The following TSPAN18 variants were observed in gnomAD, a reference collection of about 807,000 sequenced individuals.
The protein encoded by TSPAN18 is tetraspanin-18.
A neutral mutation model predicts 27.3 loss-of-function variants in TSPAN18; 14 were observed. The ratio of observed to expected loss-of-function variants is 0.51; its 90% CI spans 0.34 to 0.80. The LOEUF (loss-of-function observed/expected upper bound fraction) is 0.80. Ranked by LOEUF, TSPAN18 falls within the 30% of genes least tolerant of loss-of-function variation. The probability of loss-of-function intolerance (pLI) is 0.01; values close to 1 mark genes in which losing one functional copy is unlikely to be tolerated. For synonymous variants in TSPAN18, 143 were observed against 136.5 expected (o/e 1.05, Z -0.33); for missense variants, 268 against 323.9 (o/e 0.83, Z 1.32).
At chr11:44,880,734 C>A (rs1288624694) in intron 3 of TSPAN18, among the ~76,000 whole-genome samples, 1 of 152,240 alleles carries the variant, frequency 6.6e-6, no homozygotes, top group African/African-American at 2.4e-5. Context: ...GACTCAAGGA[C>A]CTCTGTATAA....
intron 5 of TSPAN18, among the ~76,000 whole-genome samples, chr11:44,917,029 C>T (rs543266053): frequency 7.2e-5 from 11 of 152,328 alleles, no homozygotes; most frequent in South Asian, 2.1e-4. Flanking sequence ...TGCTCCACCC[C>T]GGCTCATTCA....
chr11:44,902,224 T>C (rs912494456), intron 3 of TSPAN18, among the ~76,000 whole-genome samples: 1 of 152,222 alleles, frequency 6.6e-6, no homozygotes, highest in Non-Finnish European at 1.5e-5. Flanking sequence ...GGGAGCCCTT[T>C]ACACTGGATG....
intron 2 of TSPAN18, among the ~76,000 whole-genome samples, chr11:44,807,134 G>T (rs994864480): frequency 4.9e-5 from 7 of 142,266 alleles, no homozygotes; most frequent in Non-Finnish European, 1.1e-4. Flanking sequence ...AAAGTGGGAG[G>T]ATCACTTGAG....
chr11:44,834,379 C>T (rs1235346333), intron 2 of TSPAN18, among the ~76,000 whole-genome samples: 1 of 152,140 alleles, frequency 6.6e-6, no homozygotes. Context: ...CGGGTTCTTT[C>T]TAGGGAGGAA....
chr11:44,777,341 GGC>G (rs1392397578), intron 2 of TSPAN18, among the ~76,000 whole-genome samples: 1 of 152,170 alleles, frequency 6.6e-6, no homozygotes, highest in African/African-American at 2.4e-5. Context: ...GCCAAGGTGA[GGC>G]CACCTCATCT....
chr11:44,801,245 T>C (rs1025591251), intron 2 of TSPAN18, among the ~76,000 whole-genome samples: 2 of 152,184 alleles, frequency 1.3e-5, no homozygotes, highest in Non-Finnish European at 2.9e-5. Flanking sequence ...AAGTTAGAGT[T>C]CACGTGATAA....
intron 1 of TSPAN18, among the ~76,000 whole-genome samples, chr11:44,756,305 AGGAGGGAG>A (rs536867056): frequency 1.7e-5 from 2 of 119,766 alleles, no homozygotes; most frequent in African/African-American, 6.3e-5. Flanking sequence ...GAGAACAAAA[AGGAGGGAG>A]GGAGGGAGGG....
intron 2 of TSPAN18, among the ~76,000 whole-genome samples, chr11:44,831,386 A>G (rs1857150678): frequency 6.6e-6 from 1 of 152,160 alleles, no homozygotes; most frequent in Non-Finnish European, 1.5e-5. Flanking sequence ...AGATGTCAAG[A>G]TGTTGCAGTG....
chr11:44,841,516 A>G (rs75802191), intron 2 of TSPAN18, among the ~76,000 whole-genome samples: 610 of 20,084 alleles, frequency 0.03, 3 homozygotes, highest in African/African-American at 0.042. Flanking sequence ...ATTCCATCTA[A>G]AAAAAAAAAA....
At chr11:44,782,686 T>C (rs1855967062) in intron 2 of TSPAN18, among the ~76,000 whole-genome samples, 1 of 152,222 alleles carries the variant, frequency 6.6e-6, no homozygotes, top group African/African-American at 2.4e-5. Flanking sequence ...ATGGTCAGCT[T>C]TTGAGTTTTA....
At chr11:44,811,504 G>A (rs953286283) in intron 2 of TSPAN18, among the ~76,000 whole-genome samples, 4 of 151,252 alleles carry the variant, frequency 2.6e-5, no homozygotes, top group African/African-American at 9.8e-5. Context: ...TTGTTGCCCA[G>A]GCTGGAGTGC....
intron 3 of TSPAN18, chr11:44,901,133 T>G (rs1859249440): frequency 1.3e-5 from 2 of 152,156 alleles, no homozygotes; most frequent in African/African-American, 4.8e-5. Context: ...TTTTTACTCA[T>G]CCACCCTGCT....
At chr11:44,929,071 G>C in intron 9 of TSPAN18, 60 bp from the exon 10 acceptor site, 2 of 1,600,804 alleles carry the variant, frequency 1.2e-6, no homozygotes, top group East Asian at 2.2e-5. Context: ...GAGTGGGCCA[G>C]GCAGCCCACA....
At chr11:44,736,236 G>T (rs750325842) in intron 1 of TSPAN18, 3 of 152,142 alleles carry the variant, frequency 2.0e-5, no homozygotes, top group Non-Finnish European at 4.4e-5. Flanking sequence ...CACTCTGTCC[G>T]CAGCTAAGTG....
chr11:44,798,423 A>G (rs1057160889), intron 2 of TSPAN18, among the ~76,000 whole-genome samples: 1 of 152,216 alleles, frequency 6.6e-6, no homozygotes. Flanking sequence ...AAGGTCACAC[A>G]GCTGGAAAGT....
intron 1 of TSPAN18, among the ~76,000 whole-genome samples, chr11:44,727,511 G>C (rs1161645814): frequency 6.6e-6 from 1 of 152,200 alleles, no homozygotes; most frequent in Admixed American, 6.5e-5. Flanking sequence ...CCCGGAGTCC[G>C]CTGAGGGCCG....
chr11:44,890,458 T>C lies in TSPAN18; in HGVS notation c.-10-15949T>C, dbSNP rs553664449. On this transcript the variant is annotated intron_variant, in intron 3 of 9. Coordinates refer to ENST00000520358, the MANE Select transcript of TSPAN18 (RefSeq NM_130783.5). ...GAATTTCTTGGCCGGGAGCAATGGCTCACGCCTGTAATCCCAGCACTTTGG... is the reference window on the plus strand; with the variant it reads ...GAATTTCTTGGCCGGGAGCAATGGCCCACGCCTGTAATCCCAGCACTTTGG... Among the ~76,000 whole-genome samples the C allele has an allele frequency of 3.3e-5, 5 of 152,374 alleles. No homozygotes were observed. In the East Asian group the frequency reaches 9.6e-4, roughly 29 times the overall value.
At chr11:44,836,572 T>C (rs1857268265) in intron 2 of TSPAN18, among the ~76,000 whole-genome samples, 1 of 152,206 alleles carries the variant, frequency 6.6e-6, no homozygotes, top group Non-Finnish European at 1.5e-5. Flanking sequence ...GTGGCGGCGA[T>C]ACAAAACAAC....
chr11:44,806,531 G>A (rs1363751261), intron 2 of TSPAN18, among the ~76,000 whole-genome samples: 15 of 152,148 alleles, frequency 9.9e-5, no homozygotes, highest in African/African-American at 3.4e-4. Context: ...TGGGTGGGGT[G>A]GGTCCAAGAA....
Sources: gnomAD v4.1 joint callset for allele counts (sites outside exome capture counted in the v4.1 genomes callset) on GRCh38, gnomAD v4.1.1 for gene constraint, MANE v1.5 for transcripts, NCBI Gene and HGNC (gene_info 2026-07-23, HGNC 2026-07-21) for gene names.